PLEKHG4B: variants seen among roughly 807,000 people sequenced by gnomAD.
PLEKHG4B encodes the protein pleckstrin homology and RhoGEF domain containing G4B.
PLEKHG4B carries 111 observed loss-of-function variants against 121.3 expected under a neutral mutation model. The observed-to-expected ratio is 0.92, with a 90% CI of 0.78 to 1.07. PLEKHG4B has a LOEUF of 1.07. PLEKHG4B is among the 50% of genes least tolerant of loss of function. The pLI, the probability that PLEKHG4B is intolerant of heterozygous loss-of-function variation, is 0.00. For missense variants in PLEKHG4B, 1,831 were observed against 1,757.8 expected, an observed-to-expected ratio of 1.04 and a Z score of -0.74; for synonymous variants, 738 against 725.0, an observed-to-expected ratio of 1.02 and a Z score of -0.29.
intron 1 of PLEKHG4B, among the ~76,000 whole-genome samples, chr5:101,155 T>C (rs374688651): frequency 0.011 from 959 of 89,438 alleles, 180 homozygotes; most frequent in African/African-American, 0.047. Flanking sequence ...AGGGGAGAGA[T>C]TGTTGTGAGG....
chr5:118,327 A>T (rs1185717650), intron 2 of PLEKHG4B, among the ~76,000 whole-genome samples: 1 of 152,202 alleles, frequency 6.6e-6, no homozygotes, highest in Non-Finnish European at 1.5e-5. Context: ...AGCAGACCAC[A>T]CACTGCTTGG....
intron 16 of PLEKHG4B, among the ~76,000 whole-genome samples, chr5:172,091 C>T (rs550513054): frequency 1.3e-5 from 2 of 152,314 alleles, no homozygotes; most frequent in East Asian, 1.9e-4. Context: ...AGAGCAGGGC[C>T]GTGGAGGGTG....
intron 3 of PLEKHG4B, among the ~76,000 whole-genome samples, chr5:142,330 A>G (rs571803323): frequency 6.6e-6 from 1 of 151,940 alleles, no homozygotes; most frequent in East Asian, 1.9e-4. Context: ...ACAACCACAC[A>G]CAGTCACATG....
In PLEKHG4B at chr5:162,750, C is replaced by T. The variant is rs201897968; in HGVS notation, c.2678C>T (p.Pro893Leu). The change falls in exon 13 of 20, where the codon CCG becomes CTG. Residue 893 changes from proline (P) to leucine (L), a missense_variant. Physicochemically the swap from Pro to Leu is moderately conservative, Grantham distance 98. Coordinates refer to ENST00000637938, the MANE Select transcript of PLEKHG4B (RefSeq NM_052909.5). ...AGCAGCTGGATGGGGCCCCTGGACC[C>T]GGAGGCTTGTCCCTCCTCACCCGTG... Reference protein sequence around the residue: ...TVSSWMGPLDPEACPSSPVAE... With the variant: ...TVSSWMGPLDLEACPSSPVAE... 6.1e-5 allele frequency: 90 copies of T among 1,463,714 alleles called. No homozygotes were observed. Among genetic ancestry groups the T allele is most frequent in the African/African-American group, 2.8e-4 (20 of 70,288 alleles). 90.7% of individuals were successfully genotyped at this position (1,463,714 alleles called of 1,614,324 possible).
rs550906503 is a variant in PLEKHG4B at position 156,562 on chromosome 5, C to T, written c.2349-211C>T. Among the ~76,000 whole-genome samples, 104 of 152,216 alleles carry T rather than the reference C, an allele frequency of 6.8e-4. 1 individual carries two copies. The highest frequency in any genetic ancestry group is 2.5e-3 in the African/African-American group (103 of 41,532). ...CTAAGCTGCCCCACCTGGGTCCCCT[C>T]CAGGCACCTGCAACCCAGGCCGGCC... On this transcript the variant is annotated intron_variant, in intron 10 of 19. Transcript: ENST00000637938. This position sits in a 1 kb window ranked among gnomAD's most constrained non-coding sequence, Gnocchi z 4.4.
At chr5:138,407 G>A (rs536891813) in intron 2 of PLEKHG4B, among the ~76,000 whole-genome samples, 34 of 152,340 alleles carry the variant, frequency 2.2e-4, no homozygotes, top group African/African-American at 7.9e-4. Context: ...ACCTAGGGAT[G>A]CTCATACTCG....
At position 187,634 on chromosome 5, in the gene PLEKHG4B, A is replaced by C. The variant is rs142110232; in HGVS notation, c.*5311A>C. 19 of 152,306 alleles carry C rather than the reference A, an allele frequency of 1.2e-4. No homozygotes were observed. Among genetic ancestry groups the C allele is most frequent in the African/African-American group, 4.6e-4 (19 of 41,538 alleles). The allele number at this position is 152,306 out of a possible 1,614,324, so 9.4% of individuals were successfully genotyped here. ...AAAGACCTTTCCTTGGCTGACCCTA[A>C]AGTAGCCAAGGGGAGCTCACATCGC... On this transcript the variant is annotated 3_prime_UTR_variant, in exon 20 of 20. Transcript: ENST00000637938.
chr5:109,397 C>CAAAAAAA (rs34972342), intron 1 of PLEKHG4B, among the ~76,000 whole-genome samples: 3 of 61,820 alleles, frequency 4.9e-5, no homozygotes, highest in African/African-American at 2.3e-4. Context: ...ACTCTGTCTC[C>CAAAAAAA]AAAAAAAAAA....
chr5:156,140 T>A lies in PLEKHG4B; in HGVS notation c.2278T>A (p.Ser760Thr), dbSNP rs1479252175. The change falls in exon 10 of 20, where the codon TCT (serine) becomes ACT (threonine). Residue 760 changes from serine (S) to threonine (T), a missense_variant. Physicochemically the swap from Ser to Thr is moderately conservative, Grantham distance 58 (BLOSUM62 1). Coordinates refer to ENST00000637938, the MANE Select transcript of PLEKHG4B (RefSeq NM_052909.5). The surrounding 1 kb of genome is among the most constrained non-coding windows in gnomAD (Gnocchi z 4.4). ...TGTCCTGGAAGACCCACTGCTTGTG[T>A]CTCTCAGGCTGGAGGGGGGCACCGT... ...KLVLEDPLLVSLRLEGGTVLA... is the reference protein window; with the variant it reads ...KLVLEDPLLVTLRLEGGTVLA... 3 of 1,595,470 alleles carry A rather than the reference T, an allele frequency of 1.9e-6. No individual in the cohort carries two copies. Among genetic ancestry groups the A allele is most frequent in the Non-Finnish European group, 2.6e-6 (3 of 1,171,174 alleles).
intron 1 of PLEKHG4B, among the ~76,000 whole-genome samples, chr5:111,210 T>A (rs911014750): frequency 6.6e-6 from 1 of 152,276 alleles, no homozygotes; most frequent in Non-Finnish European, 1.5e-5. Context: ...CGAAGGCTGC[T>A]ATGAATAAAC....
At chr5:117,457 A>G (rs1425628131) in intron 2 of PLEKHG4B, among the ~76,000 whole-genome samples, 1 of 152,188 alleles carries the variant, frequency 6.6e-6, no homozygotes, top group Non-Finnish European at 1.5e-5. Flanking sequence ...CAGCCAATAA[A>G]TGACATGCTT....
At chr5:104,101 G>GC (rs11417881) in intron 1 of PLEKHG4B, among the ~76,000 whole-genome samples, 3,138 of 112,620 alleles carry the variant, frequency 0.028, 156 homozygotes, top group African/African-American at 0.13. Context: ...AACAACCACA[G>GC]CCAGTCCCAG....
At position 154,860 on chromosome 5, in the gene PLEKHG4B, G is replaced by A; in HGVS notation, c.1993-15G>A. On this transcript the variant is annotated splice_polypyrimidine_tract_variant and intron_variant, in intron 7 of 19. Transcript: ENST00000637938. ...GCATCTGGAGCCATGACCAACGAGT[G>A]CCTCTTCTTGGCAGTGTGAGGTCGT... The A allele has an allele frequency of 3.7e-6, 6 of 1,603,092 alleles. No homozygotes were observed. Among genetic ancestry groups the A allele is most frequent in the Non-Finnish European group, 5.1e-6 (6 of 1,170,528 alleles).
chr5:98,678 T>G (rs1206273930), intron 1 of PLEKHG4B, among the ~76,000 whole-genome samples: 1 of 143,378 alleles, frequency 7.0e-6, no homozygotes, highest in Admixed American at 6.9e-5. Flanking sequence ...TTCACCGTGT[T>G]AGCCAGGATG....
chr5:153,315 C>T (rs77811383), intron 7 of PLEKHG4B, among the ~76,000 whole-genome samples: 2,627 of 152,204 alleles, frequency 0.017, 74 homozygotes, highest in African/African-American at 0.06. Flanking sequence ...GAGAATAGGT[C>T]CCATTTTCTG....
rs140645318 is a variant in PLEKHG4B at position 122,710 on chromosome 5, G to A, written c.243+9262G>A. 2.7e-3 allele frequency among the ~76,000 whole-genome samples: 407 copies of A among 152,098 alleles called. 3 individuals carry two copies. The highest frequency in any genetic ancestry group is 9.2e-3 in the African/African-American group (381 of 41,522). On this transcript the variant is annotated intron_variant, in intron 2 of 19. Transcript: ENST00000637938. ...GCTGGGATTACAGACATGAGCCACCGCACCTGGCCAAAATGCCCTTTAAAT... is the reference window on the plus strand; with the variant it reads ...GCTGGGATTACAGACATGAGCCACCACACCTGGCCAAAATGCCCTTTAAAT...
Position 182,429 on chromosome 5 carries a change from A to G in PLEKHG4B, c.*106A>G. 1 of 1,179,910 alleles carries G rather than the reference A, an allele frequency of 8.5e-7. No homozygotes were observed. The highest frequency in any genetic ancestry group is 1.2e-6 in the Non-Finnish European group (1 of 847,326). The allele number at this position is 1,179,910 out of a possible 1,614,324, so 73.1% of individuals were successfully genotyped here. A position where few individuals can be genotyped will look rare whatever the true frequency, so the allele number is the denominator to read the frequency against. On this transcript the variant is annotated 3_prime_UTR_variant, in exon 20 of 20. Coordinates refer to ENST00000637938, the MANE Select transcript of PLEKHG4B (RefSeq NM_052909.5). ...GTGGCGGTGCCCATCGCGTGGCTGG[A>G]ACGATCCAGAGGGAATAGCACAGCA...
rs1396572676 is a variant in PLEKHG4B at position 185,070 on chromosome 5, C to T, written c.*2747C>T. The stretch of plus-strand genomic sequence containing the variant: ...GATAAACCCTTGAAACACCCACTAA[C>T]AAAGAATTACAGCTAATAGACCAAC... On this transcript the variant is annotated 3_prime_UTR_variant, in exon 20 of 20. Transcript: ENST00000637938. The T allele has an allele frequency of 6.6e-6, 1 of 151,980 alleles. No homozygotes were observed. The highest frequency in any genetic ancestry group is 1.5e-5 in the Non-Finnish European group (1 of 68,016). The allele number at this position is 151,980 out of a possible 1,614,324, so 9.4% of individuals were successfully genotyped here.
In PLEKHG4B at chr5:143,246, C is replaced by T. The variant is rs1275162507; in HGVS notation, c.1677C>T (p.Val559=). Residue 559 remains valine, a synonymous_variant, in exon 4 of 20, where the codon GTC becomes GTT. Transcript: ENST00000637938. ...AGGAGCTGCTGCAGTCCGGGGTCGTCACCCTCCCAGGTGAGAGCACATGCC... is the reference window on the plus strand; with the variant it reads ...AGGAGCTGCTGCAGTCCGGGGTCGTTACCCTCCCAGGTGAGAGCACATGCC... ...VSQELLQSGV[V]TLPGTRDRHG... 1 of 1,610,194 alleles carries T rather than the reference C, an allele frequency of 6.2e-7. No homozygotes were observed. The highest frequency in any genetic ancestry group is 2.2e-5 in the East Asian group (1 of 44,880).
Sources: allele counts gnomAD v4.1 joint callset (sites outside exome capture counted in the v4.1 genomes callset), GRCh38; gene constraint gnomAD v4.1.1; non-coding constraint Gnocchi (gnomAD v3.1); transcripts MANE v1.5; gene names NCBI Gene and HGNC (gene_info 2026-07-23, HGNC 2026-07-21).